Variants in DEAF1 observed in about 807,000 individuals in gnomAD.
DEAF1 encodes the protein deformed epidermal autoregulatory factor 1 homolog.
In DEAF1, 53 loss-of-function variants were observed where a neutral mutation model predicts 58.9. That is an observed-to-expected ratio of 0.90 (90% CI 0.72 to 1.13). DEAF1 has a LOEUF of 1.13. Ranked by LOEUF, DEAF1 falls within the 50% of genes most tolerant of loss-of-function variation. The pLI is 0.00. For synonymous variants in DEAF1, 385 were observed against 340.4 expected (o/e 1.13, Z -1.44); for missense variants, 685 against 791.4 (o/e 0.87, Z 1.61).
intron 10 of DEAF1, 76 bp from the exon 11 acceptor site, chr11:654,127 T>G (rs961597373): frequency 8.1e-7 from 1 of 1,241,764 alleles, no homozygotes. Flanking sequence ...CAGAGGCAGG[T>G]GCAGGCAGGA....
intron 8 of DEAF1, 34 bp downstream of exon 8, chr11:679,654 G>A: frequency 4.4e-6 from 7 of 1,607,176 alleles, no homozygotes; most frequent in Non-Finnish European, 5.9e-6. Context: ...GGGATATGCT[G>A]AGGACGCGTC....
chr11:706,803 T>G (rs1434319990), exon 1 of DEAF1: 1 of 152,242 alleles, frequency 6.6e-6, no homozygotes, highest in Non-Finnish European at 1.5e-5. Flanking sequence ...ACCAGCTGGG[T>G]CAGTCTCCAG....
At position 644,422 on chromosome 11, in the gene DEAF1, A is replaced by G; in HGVS notation, c.*128T>C. 4 of 749,592 alleles carry G rather than the reference A, an allele frequency of 5.3e-6. No individual in the cohort carries two copies. Among genetic ancestry groups the G allele is most frequent in the Admixed American group, 2.0e-5 (1 of 49,504 alleles). 46.4% of individuals were successfully genotyped at this position (749,592 alleles called of 1,614,324 possible). ...CTTAAAGTGTGTTAATGACTTGTCC[A>G]GCAAGTTTCTTTACCTTCCCACACC... On this transcript the variant is annotated 3_prime_UTR_variant, in exon 12 of 12. Transcript: ENST00000382409. This position sits in a 1 kb window ranked among gnomAD's most constrained non-coding sequence, Gnocchi z 4.3.
intron 11 of DEAF1, among the ~76,000 whole-genome samples, chr11:648,156 T>G (rs1029831413): frequency 3.4e-4 from 52 of 151,814 alleles, no homozygotes; most frequent in African/African-American, 1.2e-3. Flanking sequence ...TTTGTGTACA[T>G]ACCAAGTCCT....
upstream of DEAF1, among the ~76,000 whole-genome samples, chr11:696,325 G>T (rs1861155645): frequency 6.6e-6 from 1 of 152,016 alleles, no homozygotes; most frequent in South Asian, 2.1e-4. Flanking sequence ...CTGTCTGTGG[G>T]TACAGCCAGA....
chr11:668,712 C>T (rs913399195), intron 10 of DEAF1, among the ~76,000 whole-genome samples: 6 of 152,188 alleles, frequency 3.9e-5, no homozygotes, highest in African/African-American at 1.4e-4. Context: ...GTCCCAGCTA[C>T]TTGGGGGGCT....
intron 11 of DEAF1, among the ~76,000 whole-genome samples, chr11:649,410 A>G (rs1324266848): frequency 7.1e-6 from 1 of 141,688 alleles, no homozygotes; most frequent in South Asian, 2.5e-4. Flanking sequence ...TGACAGAGAG[A>G]GACCCCACTT....
intron 10 of DEAF1, among the ~76,000 whole-genome samples, chr11:663,786 C>A (rs554064065): frequency 6.6e-6 from 1 of 152,226 alleles, no homozygotes; most frequent in Non-Finnish European, 1.5e-5. Context: ...TTCTCCATCT[C>A]CTCAGCAGTT....
At chr11:686,554 T>C (rs1860601496) in intron 5 of DEAF1, among the ~76,000 whole-genome samples, 1 of 152,182 alleles carries the variant, frequency 6.6e-6, no homozygotes, top group Admixed American at 6.5e-5. Flanking sequence ...ACTTCTACTG[T>C]TTTCATTTTT....
At chr11:679,588 G>C (rs114864787) in intron 8 of DEAF1, 100 bp downstream of exon 8, 4 of 1,572,410 alleles carry the variant, frequency 2.5e-6, no homozygotes, top group Non-Finnish European at 3.5e-6. Flanking sequence ...CCCCTCTCGA[G>C]GCACCCAGCA....
chr11:691,992 T>A (rs1860857348), intron 1 of DEAF1, among the ~76,000 whole-genome samples: 1 of 152,120 alleles, frequency 6.6e-6, no homozygotes, highest in Admixed American at 6.5e-5. Context: ...TCCCCGCAGG[T>A]GAGGACACCT....
chr11:656,229 C>T (rs902099474), intron 10 of DEAF1, among the ~76,000 whole-genome samples: 3 of 151,462 alleles, frequency 2.0e-5, no homozygotes, highest in Non-Finnish European at 4.4e-5. Context: ...GATCTCAGCT[C>T]ATTGCAACCA....
At chr11:702,882 G>A in intron 1 of DEAF1, 1 of 1,500,526 alleles carries the variant, frequency 6.7e-7, no homozygotes, top group Non-Finnish European at 9.1e-7. Context: ...CCAGGCACCT[G>A]TGGGCGGTGG....
intron 1 of DEAF1, chr11:694,297 G>T: frequency 5.1e-6 from 1 of 196,748 alleles, no homozygotes; most frequent in South Asian, 6.0e-5. Context: ...CAGGTGTGCG[G>T]GGCAGGTGTT....
intron 1 of DEAF1, chr11:700,600 G>A (rs766880506): frequency 5.0e-6 from 8 of 1,610,012 alleles, no homozygotes; most frequent in East Asian, 2.2e-5. Context: ...TTCCGTCCGC[G>A]CCTCTGCTCT....
chr11:658,026 T>A (rs1009640926), intron 10 of DEAF1, among the ~76,000 whole-genome samples: 1 of 152,164 alleles, frequency 6.6e-6, no homozygotes, highest in African/African-American at 2.4e-5. Flanking sequence ...CCTGTGGGCT[T>A]TGAAGTTACA....
intron 10 of DEAF1, among the ~76,000 whole-genome samples, chr11:660,231 G>A (rs976451888): frequency 2.2e-4 from 33 of 152,262 alleles, no homozygotes; most frequent in African/African-American, 8.0e-4. Flanking sequence ...CACACGTAAA[G>A]AGATCAAAGG....
At chr11:703,250 C>G in intron 1 of DEAF1, 1 of 1,458,062 alleles carries the variant, frequency 6.9e-7, no homozygotes, top group Non-Finnish European at 9.1e-7. Context: ...GGGCACTTTT[C>G]CTAGTGACTG....
At chr11:666,372 G>C (rs934935205) in intron 10 of DEAF1, 1 of 152,178 alleles carries the variant, frequency 6.6e-6, no homozygotes, top group East Asian at 1.9e-4. Flanking sequence ...AGGAAGTACT[G>C]GACGTGTGAA....
Sources: gnomAD v4.1 joint callset for allele counts (sites outside exome capture counted in the v4.1 genomes callset) on GRCh38, gnomAD v4.1.1 for gene constraint, Gnocchi (gnomAD v3.1) non-coding constraint, MANE v1.5 for transcripts, NCBI Gene and HGNC (gene_info 2026-07-23, HGNC 2026-07-21) for gene names.